The following DIXDC1 variants were observed in gnomAD, a reference collection of about 807,000 sequenced individuals.
The protein encoded by DIXDC1 is dixin.
DIXDC1 carries 64 observed loss-of-function variants against 103.1 expected under a neutral mutation model. The observed-to-expected ratio is 0.62, with a 90% CI of 0.51 to 0.76. The LOEUF is 0.76. Among genes scored for constraint, DIXDC1 ranks in the 30% least tolerant of loss-of-function variants. DIXDC1 has a pLI of 0.00. For missense variants in DIXDC1, 759 were observed against 834.2 expected, an observed-to-expected ratio of 0.91 and a Z score of 1.11; for synonymous variants, 266 against 298.5, an observed-to-expected ratio of 0.89 and a Z score of 1.12.
intron 7 of DIXDC1, 79 bp from the exon 8 acceptor site, chr11:111,985,153 G>C: frequency 8.8e-7 from 1 of 1,142,386 alleles, no homozygotes; most frequent in Non-Finnish European, 1.3e-6. Context: ...TTTAACTTGG[G>C]GTGAGCTTAC....
chr11:111,993,447 C>T, intron 12 of DIXDC1, 49 bp from the exon 13 acceptor site: 1 of 1,605,456 alleles, frequency 6.2e-7, no homozygotes, highest in Non-Finnish European at 8.5e-7. Flanking sequence ...GTGAACTTTT[C>T]AGTGTCCCTG....
chr11:112,003,912 C>T (rs1453816173), intron 17 of DIXDC1, among the ~76,000 whole-genome samples: 1 of 151,120 alleles, frequency 6.6e-6, no homozygotes. Context: ...GCATGGTGGG[C>T]TTATGCCTGT....
chr11:111,996,263 T>C, intron 17 of DIXDC1, 117 bp downstream of exon 17: 1 of 877,704 alleles, frequency 1.1e-6, no homozygotes, highest in South Asian at 1.8e-5. Flanking sequence ...TTTTATACTA[T>C]TTTGTTTCTG....
At chr11:111,948,457 C>T (rs1966672529) in intron 1 of DIXDC1, among the ~76,000 whole-genome samples, 1 of 152,142 alleles carries the variant, frequency 6.6e-6, no homozygotes, top group Non-Finnish European at 1.5e-5. Flanking sequence ...CCCTGGTGGT[C>T]ACTGCCTCTC....
At chr11:111,959,373 C>T (rs1859497829) in intron 1 of DIXDC1, among the ~76,000 whole-genome samples, 1 of 152,234 alleles carries the variant, frequency 6.6e-6, no homozygotes, top group Admixed American at 6.5e-5. Flanking sequence ...TCCCTGGTGC[C>T]AGCTGTGGAA....
chr11:111,950,337 G>A (rs1199034659), intron 1 of DIXDC1, among the ~76,000 whole-genome samples: 4 of 143,282 alleles, frequency 2.8e-5, no homozygotes, highest in Non-Finnish European at 6.0e-5. Flanking sequence ...AGGTATTACA[G>A]TTTTAGAGAG....
chr11:111,975,076 T>C, intron 5 of DIXDC1, 93 bp downstream of exon 5: 8 of 1,522,398 alleles, frequency 5.3e-6, no homozygotes, highest in East Asian at 2.5e-5. Flanking sequence ...ACCTAAGCCC[T>C]TTTTCTCCCC....
At chr11:111,937,239 C>T, upstream of DIXDC1, 4 of 1,200,914 alleles carry the variant, frequency 3.3e-6, no homozygotes, top group Non-Finnish European at 4.1e-6. Context: ...AGCCCGGCAG[C>T]GCCGCTCAAC....
intron 17 of DIXDC1, among the ~76,000 whole-genome samples, chr11:112,007,504 A>C (rs1230862614): frequency 6.6e-6 from 1 of 152,048 alleles, no homozygotes; most frequent in African/African-American, 2.4e-5. Flanking sequence ...ACACATAATT[A>C]TCAGATTCAC....
chr11:111,928,769 TG>T (rs1965919887), intron 1 of DIXDC1, among the ~76,000 whole-genome samples: 1 of 143,686 alleles, frequency 7.0e-6, no homozygotes. Flanking sequence ...CTCAAAAAAG[TG>T]GGAAAAAAAA....
chr11:111,947,918 C>CAAGGCAGGAGGATGGCTTG (rs1555169524), intron 1 of DIXDC1, among the ~76,000 whole-genome samples: 1 of 152,004 alleles, frequency 6.6e-6, no homozygotes, highest in Non-Finnish European at 1.5e-5. Flanking sequence ...TTTGGGAGGC[C>CAAGGCAGGAGGATGGCTTG]AAGGCAGGAG....
chr11:111,986,458 G>A (rs1394253632), intron 8 of DIXDC1, among the ~76,000 whole-genome samples: 3 of 150,818 alleles, frequency 2.0e-5, no homozygotes, highest in Non-Finnish European at 4.4e-5. Flanking sequence ...TCTGCCTCCC[G>A]GGTTCAAGTG....
At chr11:111,983,861 T>G (rs1860404270) in intron 7 of DIXDC1, among the ~76,000 whole-genome samples, 1 of 152,214 alleles carries the variant, frequency 6.6e-6, no homozygotes, top group Admixed American at 6.5e-5. Flanking sequence ...GCTCACAGCA[T>G]CCACTGGGCT....
chr11:111,938,948 G>A (rs1411571345), intron 1 of DIXDC1, among the ~76,000 whole-genome samples: 6 of 152,220 alleles, frequency 3.9e-5, no homozygotes, highest in African/African-American at 1.4e-4. Flanking sequence ...ACAAAGAGCT[G>A]TAGTCTAAGA....
At chr11:111,945,961 G>C (rs1205138339) in intron 1 of DIXDC1, among the ~76,000 whole-genome samples, 1 of 143,038 alleles carries the variant, frequency 7.0e-6, no homozygotes, top group Non-Finnish European at 1.5e-5. Context: ...TTTTGAGATG[G>C]AGTCTCGTTC....
chr11:111,927,646 G>C (rs1322781069), intron 1 of DIXDC1, among the ~76,000 whole-genome samples: 2 of 152,090 alleles, frequency 1.3e-5, no homozygotes, highest in Non-Finnish European at 2.9e-5. Flanking sequence ...CCTCTCTGCT[G>C]GTCCCTAAGA....
In DIXDC1 at chr11:111,976,171, G is replaced by A. The variant is rs1425542798; in HGVS notation, c.656+1188G>A. Reference sequence around the variant, plus strand: ...TGCTGCTTAGGTTATCACCTGGAGCGGAATTACAGGATGTTTTGTTGTATT... The same window carrying A: ...TGCTGCTTAGGTTATCACCTGGAGCAGAATTACAGGATGTTTTGTTGTATT... On this transcript the variant is annotated intron_variant, in intron 5 of 19. Coordinates refer to ENST00000440460, the MANE Select transcript of DIXDC1 (RefSeq NM_001037954.4). The surrounding 1 kb of genome is among the most constrained non-coding windows in gnomAD (Gnocchi z 4.3). Among the ~76,000 whole-genome samples, 3 of 152,106 alleles carry A rather than the reference G, an allele frequency of 2.0e-5. No individual in the cohort carries two copies. Among genetic ancestry groups the A allele is most frequent in the African/African-American group, 4.8e-5 (2 of 41,420 alleles).
At chr11:111,938,593 T>C (rs1966301709) in intron 1 of DIXDC1, among the ~76,000 whole-genome samples, 1 of 152,224 alleles carries the variant, frequency 6.6e-6, no homozygotes, top group Non-Finnish European at 1.5e-5. Context: ...CCCCCACCCA[T>C]TCCAGCCTTT....
At chr11:111,928,239 A>C (rs1965893961) in intron 1 of DIXDC1, among the ~76,000 whole-genome samples, 1 of 151,926 alleles carries the variant, frequency 6.6e-6, no homozygotes, top group Non-Finnish European at 1.5e-5. Context: ...GAAACTCTGT[A>C]GCCTATTTTC....
Sources: gnomAD v4.1 joint callset for allele counts (sites outside exome capture counted in the v4.1 genomes callset) on GRCh38, gnomAD v4.1.1 for gene constraint, Gnocchi (gnomAD v3.1) non-coding constraint, MANE v1.5 for transcripts, NCBI Gene and HGNC (gene_info 2026-07-23, HGNC 2026-07-21) for gene names.